Variants in RFFL observed in about 807,000 individuals in gnomAD.
RFFL encodes ring finger and FYVE like domain containing E3 ubiquitin protein ligase.
RFFL carries 16 observed loss-of-function variants against 40.4 expected under a neutral mutation model. The observed-to-expected ratio is 0.40, with a 90% confidence interval of 0.27 to 0.60. The LOEUF is 0.60. RFFL is among the 20% of genes least tolerant of loss of function. The pLI, the probability that RFFL is intolerant of heterozygous loss-of-function variation, is 0.47. For missense variants in RFFL, 367 were observed against 451.7 expected (o/e 0.81, Z 1.70); for synonymous variants, 154 against 167.9 (o/e 0.92, Z 0.64).
At chr17:35,036,772 TA>T (rs1156492031) in intron 1 of RFFL, among the ~76,000 whole-genome samples, 2 of 152,112 alleles carry the variant, frequency 1.3e-5, no homozygotes, top group Non-Finnish European at 2.9e-5. Context: ...GGCAAGAGGG[TA>T]GATAATGTGA....
At chr17:35,037,266 T>A (rs2091129655) in intron 1 of RFFL, among the ~76,000 whole-genome samples, 1 of 152,228 alleles carries the variant, frequency 6.6e-6, no homozygotes, top group Non-Finnish European at 1.5e-5. Flanking sequence ...ACGCCTACTG[T>A]CACTAACGTA....
At chr17:35,078,234 T>C (rs936770838) in intron 1 of RFFL, among the ~76,000 whole-genome samples, 7 of 152,062 alleles carry the variant, frequency 4.6e-5, no homozygotes, top group Admixed American at 2.0e-4. Flanking sequence ...ATAACCTTAC[T>C]AAAGACTTCA....
At chr17:35,074,741 A>C (rs2091367827) in intron 1 of RFFL, among the ~76,000 whole-genome samples, 1 of 152,204 alleles carries the variant, frequency 6.6e-6, no homozygotes, top group Non-Finnish European at 1.5e-5. Flanking sequence ...CCTACAGGTA[A>C]AATATGGCAC....
chr17:35,071,329 C>T (rs1484634772), intron 1 of RFFL, among the ~76,000 whole-genome samples: 1 of 151,908 alleles, frequency 6.6e-6, no homozygotes, highest in Non-Finnish European at 1.5e-5. Flanking sequence ...AAGAATTTAG[C>T]AATTTTGGCC....
At chr17:35,016,628 A>G (rs775415375) in intron 4 of RFFL, 48 bp from the exon 5 acceptor site, 4 of 1,500,590 alleles carry the variant, frequency 2.7e-6, no homozygotes, top group Non-Finnish European at 3.7e-6. Context: ...TACCTCCCCA[A>G]GCTCTTTCTC....
At chr17:35,032,196 G>A (rs917421904) in intron 1 of RFFL, among the ~76,000 whole-genome samples, 5 of 151,962 alleles carry the variant, frequency 3.3e-5, no homozygotes, top group Non-Finnish European at 7.4e-5. Flanking sequence ...AAAGAGCCAA[G>A]AAAAACCTTT....
rs532894341 is a variant in RFFL at position 35,061,641 on chromosome 17, T to A, written c.-9+1935A>T. Among the ~76,000 whole-genome samples the A allele has an allele frequency of 7.3e-5, 11 of 151,168 alleles. No homozygotes were observed. In the South Asian group the frequency reaches 8.4e-4, roughly 12 times the overall value. On this transcript the variant is annotated intron_variant, in intron 1 of 6. Coordinates refer to ENST00000394597, the MANE Select transcript of RFFL (RefSeq NM_001017368.2). ...CGTGGCGTGCCTTTTTTTTTTTTTT[T>A]AAATACAGACAGGGTTTCACCATGT...
intron 1 of RFFL, among the ~76,000 whole-genome samples, chr17:35,045,979 T>C (rs1421224624): frequency 6.7e-6 from 1 of 150,282 alleles, no homozygotes; most frequent in Non-Finnish European, 1.5e-5. Flanking sequence ...TGAGCCAAGA[T>C]TGCACACTGC....
chr17:35,075,986 C>CTTTTTTTTTTTTTTTTTT (rs35996071), intron 1 of RFFL, among the ~76,000 whole-genome samples: 1 of 80,030 alleles, frequency 1.2e-5, no homozygotes, highest in Non-Finnish European at 2.2e-5. Flanking sequence ...TCAATTTATT[C>CTTTTTTTTTTTTTTTTTT]TTTTTTTTTT....
At chr17:35,013,658 GTCCTAACA>G (rs2090954985) in intron 6 of RFFL, among the ~76,000 whole-genome samples, 1 of 152,218 alleles carries the variant, frequency 6.6e-6, no homozygotes, top group Non-Finnish European at 1.5e-5. Context: ...GGTGCTGTTG[GTCCTAACA>G]GAGGTTTGGA....
intron 3 of RFFL, among the ~76,000 whole-genome samples, chr17:35,020,385 G>A (rs927938222): frequency 1.3e-5 from 2 of 151,070 alleles, no homozygotes; most frequent in African/African-American, 2.4e-5. Context: ...TCAGATCAGC[G>A]GTGGCATTAG....
At position 35,007,740 on chromosome 17, in the gene RFFL, T is replaced by C. The variant is rs2090905428; in HGVS notation, c.*4228A>G. The C allele has an allele frequency of 6.6e-6, 1 of 151,928 alleles. No homozygotes were observed. The highest frequency in any genetic ancestry group is 2.4e-5 in the African/African-American group (1 of 41,310). 9.4% of individuals were successfully genotyped at this position (151,928 alleles called of 1,614,324 possible). ...CTGTCACGAGGCTGGGCCAACCTTTTTTTTTTTTTTAAACAGACTCTTGCT... is the reference window on the plus strand; with the variant it reads ...CTGTCACGAGGCTGGGCCAACCTTTCTTTTTTTTTTAAACAGACTCTTGCT... On this transcript the variant is annotated 3_prime_UTR_variant, in exon 7 of 7. Coordinates refer to ENST00000394597, the MANE Select transcript of RFFL (RefSeq NM_001017368.2).
chr17:35,047,954 G>A (rs1303180070), intron 1 of RFFL, among the ~76,000 whole-genome samples: 4 of 151,582 alleles, frequency 2.6e-5, no homozygotes, highest in African/African-American at 9.7e-5. Context: ...GTTTCACCAC[G>A]TTGGCCAGGC....
chr17:35,054,082 T>C (rs2142360022), intron 1 of RFFL, among the ~76,000 whole-genome samples: 1 of 152,164 alleles, frequency 6.6e-6, no homozygotes, highest in Middle Eastern at 3.4e-3. Context: ...TGGCCAGCCC[T>C]ACCTAATGCC....
intron 1 of RFFL, among the ~76,000 whole-genome samples, chr17:35,038,272 G>C (rs2091137714): frequency 8.6e-6 from 1 of 115,670 alleles, no homozygotes; most frequent in Non-Finnish European, 1.6e-5. Context: ...CTGGATGACA[G>C]AGCAAAACTG....
chr17:35,015,731 A>C (rs962106028), intron 5 of RFFL, among the ~76,000 whole-genome samples: 4 of 152,372 alleles, frequency 2.6e-5, no homozygotes, highest in Middle Eastern at 3.4e-3. Flanking sequence ...GGAAATGCTA[A>C]GTTCAAAACA....
intron 1 of RFFL, among the ~76,000 whole-genome samples, chr17:35,081,679 TA>T (rs2091403718): frequency 6.6e-6 from 1 of 152,166 alleles, no homozygotes; most frequent in Non-Finnish European, 1.5e-5. Flanking sequence ...TAAAAAAATG[TA>T]CCCTGGGGCC....
At position 35,017,613 on chromosome 17, in the gene RFFL, G is replaced by A. The variant is rs1405589895; in HGVS notation, c.592-7C>T. The A allele has an allele frequency of 2.0e-5, 32 of 1,593,328 alleles. No individual in the cohort carries two copies. Among genetic ancestry groups the A allele is most frequent in the Non-Finnish European group, 2.6e-5 (30 of 1,164,316 alleles). On this transcript the variant is annotated splice_region_variant and splice_polypyrimidine_tract_variant and intron_variant, in intron 3 of 6. Coordinates refer to ENST00000394597, the MANE Select transcript of RFFL (RefSeq NM_001017368.2). The stretch of plus-strand genomic sequence containing the variant: ...GAGACACATGGCCATTGGCCTGTGG[G>A]AAGAGAAAAGTAACATCACATCTAG...
intron 5 of RFFL, among the ~76,000 whole-genome samples, chr17:35,016,130 G>T (rs1416235647): frequency 6.6e-6 from 1 of 152,148 alleles, no homozygotes; most frequent in Non-Finnish European, 1.5e-5. Flanking sequence ...CAGATAAAGG[G>T]GTGATGCTAA....
Sources: allele counts gnomAD v4.1 joint callset (sites outside exome capture counted in the v4.1 genomes callset), GRCh38; gene constraint gnomAD v4.1.1; transcripts MANE v1.5; gene names NCBI Gene and HGNC (gene_info 2026-07-23, HGNC 2026-07-21).